SMG6: variants seen among roughly 807,000 people sequenced by gnomAD.
SMG6 encodes the protein telomerase-binding protein EST1A.
SMG6 carries 66 observed loss-of-function variants against 142.2 expected under a neutral mutation model. The ratio of observed to expected loss-of-function variants is 0.46; its 90% CI spans 0.38 to 0.57. The LOEUF (loss-of-function observed/expected upper bound fraction) is 0.57. Among genes scored for constraint, SMG6 ranks in the 20% least tolerant of loss-of-function variants. SMG6 has a pLI of 0.00. For synonymous variants in SMG6, 779 were observed against 702.4 expected, an observed-to-expected ratio of 1.11 and a Z score of -1.72; for missense variants, 1,793 against 1,832.0, an observed-to-expected ratio of 0.98 and a Z score of 0.39.
chr17:2,163,497 T>C (rs1336017862), intron 13 of SMG6, among the ~76,000 whole-genome samples: 1 of 152,190 alleles, frequency 6.6e-6, no homozygotes, highest in African/African-American at 2.4e-5. Flanking sequence ...TTCATTTTGT[T>C]TGATTCTAAT....
chr17:2,302,486 A>G (rs1161299705), intron 1 of SMG6, among the ~76,000 whole-genome samples: 1 of 152,138 alleles, frequency 6.6e-6, no homozygotes, highest in Non-Finnish European at 1.5e-5. Flanking sequence ...GGTTGCAGTG[A>G]GCAGAGATCG....
intron 13 of SMG6, among the ~76,000 whole-genome samples, chr17:2,133,321 C>T (rs1296313970): frequency 6.6e-6 from 1 of 152,072 alleles, no homozygotes; most frequent in Non-Finnish European, 1.5e-5. Context: ...TAAACTGTAG[C>T]TTTTACTGTA....
intron 13 of SMG6, among the ~76,000 whole-genome samples, chr17:2,146,497 G>T (rs775158710): frequency 3.3e-5 from 5 of 152,164 alleles, no homozygotes; most frequent in Non-Finnish European, 5.9e-5. Flanking sequence ...TTGCCTTCAG[G>T]TTTAGCAAAG....
chr17:2,163,875 C>T (rs2151631139), intron 13 of SMG6, among the ~76,000 whole-genome samples: 1 of 152,160 alleles, frequency 6.6e-6, no homozygotes, highest in Middle Eastern at 3.4e-3. Context: ...CCAGCCTGGG[C>T]AACAGGGTGA....
Position 2,292,477 on chromosome 17 carries a change from A to G in SMG6, c.2337+75T>C. 3 of 1,390,756 alleles carry G rather than the reference A, an allele frequency of 2.2e-6. No homozygotes were observed. In the South Asian group the frequency reaches 3.5e-5, roughly 16 times the overall value. 86.2% of individuals were successfully genotyped at this position (1,390,756 alleles called of 1,614,324 possible). A position where few individuals can be genotyped will look rare whatever the true frequency, so the allele number is the denominator to read the frequency against. On this transcript the variant is annotated intron_variant, in intron 6 of 18. Coordinates refer to ENST00000263073, the MANE Select transcript of SMG6 (RefSeq NM_017575.5). ...TGATGAGATGAAATGAAGCTCCAGG[A>G]ACTGATATTATCAAACTCCATATTG... is the stretch of plus-strand genomic sequence containing the variant.
chr17:2,283,748 GC>G lies in SMG6; in HGVS notation c.2338-14del. The G allele has an allele frequency of 1.2e-6, 2 of 1,603,138 alleles. No individual in the cohort carries two copies. Among genetic ancestry groups the G allele is most frequent in the Non-Finnish European group, 1.7e-6 (2 of 1,170,300 alleles). On this transcript the variant is annotated splice_polypyrimidine_tract_variant and intron_variant, in intron 6 of 18. Transcript: ENST00000263073. ...CAAGCTTCCTCCTCTGTGGAAAGAG[GC>G]CAGAGACATTCAGTCAACCAATTCT... is the stretch of plus-strand genomic sequence containing the variant.
intron 12 of SMG6, among the ~76,000 whole-genome samples, chr17:2,176,532 G>A (rs2071656792): frequency 6.6e-6 from 1 of 152,146 alleles, no homozygotes; most frequent in Non-Finnish European, 1.5e-5. Context: ...GAAATTCCCA[G>A]AGTCCACAAT....
chr17:2,264,730 C>T (rs2074384503), intron 8 of SMG6, among the ~76,000 whole-genome samples: 2 of 151,630 alleles, frequency 1.3e-5, no homozygotes, highest in South Asian at 2.1e-4. Context: ...GGTGAAACCC[C>T]GTCTCTACGG....
At chr17:2,180,666 G>A (rs889499447) in intron 12 of SMG6, among the ~76,000 whole-genome samples, 1 of 152,178 alleles carries the variant, frequency 6.6e-6, no homozygotes, top group Non-Finnish European at 1.5e-5. Flanking sequence ...ATTCCCCTCA[G>A]AGAGGGGAAG....
Position 2,277,013 on chromosome 17 carries a change from T to G in SMG6, c.2661+5634A>C, listed in dbSNP as rs188043700. 7.0e-3 allele frequency among the ~76,000 whole-genome samples: 1,069 copies of G among 152,148 alleles called. 8 individuals carry two copies. Among genetic ancestry groups the G allele is most frequent in the Non-Finnish European group, 0.012 (788 of 67,980 alleles). ...TCAGCCTGGTCTCGAACTCCCAACC[T>G]CAAGTGATCCGCCTGCCTCAGCCTC... is the stretch of plus-strand genomic sequence containing the variant. On this transcript the variant is annotated intron_variant, in intron 8 of 18. Transcript: ENST00000263073.
At chr17:2,167,705 G>A (rs185322083) in intron 13 of SMG6, among the ~76,000 whole-genome samples, 1 of 152,110 alleles carries the variant, frequency 6.6e-6, no homozygotes, top group African/African-American at 2.4e-5. Flanking sequence ...TACGTGTTTC[G>A]TAAGTATCTG....
intron 2 of SMG6, among the ~76,000 whole-genome samples, chr17:2,298,672 C>T (rs1208541829): frequency 1.3e-5 from 2 of 149,862 alleles, no homozygotes; most frequent in African/African-American, 2.5e-5. Context: ...GAGCCAAGAT[C>T]GTGCCACTGC....
intron 15 of SMG6, among the ~76,000 whole-genome samples, chr17:2,077,895 T>C (rs1004267435): frequency 1.3e-5 from 2 of 152,126 alleles, no homozygotes; most frequent in African/African-American, 4.8e-5. Context: ...CCCAATGTCA[T>C]ATAACTAGTA....
chr17:2,240,501 T>C (rs1399629325), intron 9 of SMG6, among the ~76,000 whole-genome samples: 3 of 151,582 alleles, frequency 2.0e-5, no homozygotes, highest in Non-Finnish European at 2.9e-5. Flanking sequence ...AAACAAATCA[T>C]AGTACTACAG....
intron 8 of SMG6, among the ~76,000 whole-genome samples, chr17:2,256,643 C>T (rs1038524391): frequency 1.1e-4 from 17 of 152,066 alleles, no homozygotes; most frequent in African/African-American, 3.1e-4. Flanking sequence ...CGCATGGTGG[C>T]GCACACCTGT....
intron 15 of SMG6, among the ~76,000 whole-genome samples, chr17:2,078,092 T>C (rs966871427): frequency 1.3e-5 from 2 of 152,014 alleles, no homozygotes; most frequent in African/African-American, 4.8e-5. Flanking sequence ...GTGCAGTGAA[T>C]AGGAGCCTGG....
In SMG6 at chr17:2,280,348, C is replaced by T. The variant is rs575312019; in HGVS notation, c.2661+2299G>A. Among the ~76,000 whole-genome samples the T allele has an allele frequency of 3.9e-4, 59 of 152,150 alleles. 1 individual carries two copies. The highest frequency in any genetic ancestry group is 9.6e-4 in the African/African-American group (40 of 41,508). On this transcript the variant is annotated intron_variant, in intron 8 of 18. Transcript: ENST00000263073. ...CACGATCTCGGCTCACTGCAACCTC[C>T]GCCTCCCGGGTTCAAGCAACTCTCC...
intron 6 of SMG6, among the ~76,000 whole-genome samples, chr17:2,291,795 C>T (rs2075042088): frequency 7.0e-6 from 1 of 143,426 alleles, no homozygotes. Flanking sequence ...TCACCTAAGC[C>T]AGTAGTTTGC....
intron 13 of SMG6, among the ~76,000 whole-genome samples, chr17:2,156,100 A>G (rs1402099619): frequency 2.7e-5 from 4 of 149,378 alleles, no homozygotes; most frequent in Non-Finnish European, 5.9e-5. Flanking sequence ...CAGATTAGAT[A>G]GAGCTCAGGC....
Sources: gnomAD v4.1 joint callset for allele counts (sites outside exome capture counted in the v4.1 genomes callset) on GRCh38, gnomAD v4.1.1 for gene constraint, MANE v1.5 for transcripts, NCBI Gene and HGNC (gene_info 2026-07-23, HGNC 2026-07-21) for gene names.